The following TRPS1 variants were observed in gnomAD, a reference collection of about 807,000 sequenced individuals.
TRPS1 encodes zinc finger transcription factor Trps1.
Under a neutral mutation model 101.2 loss-of-function variants are expected in TRPS1, and 6 were observed. That is an observed-to-expected ratio of 0.06 (90% CI 0.03 to 0.12). The LOEUF (loss-of-function observed/expected upper bound fraction) is 0.12. Ranked by LOEUF, TRPS1 falls within the 10% of genes least tolerant of loss-of-function variation. The pLI is 1.00. For missense variants in TRPS1, 1,363 were observed against 1,567.0 expected (o/e 0.87, Z 2.20); for synonymous variants, 578 against 589.8 (o/e 0.98, Z 0.29).
chr8:115,484,595 A>C (rs931260589), intron 5 of TRPS1, among the ~76,000 whole-genome samples: 22 of 152,136 alleles, frequency 1.4e-4, no homozygotes, highest in African/African-American at 5.1e-4. Flanking sequence ...TGTTATTATA[A>C]AAGTATTCTT....
chr8:115,486,216 T>C (rs965831421), intron 5 of TRPS1, among the ~76,000 whole-genome samples: 6 of 152,298 alleles, frequency 3.9e-5, no homozygotes, highest in Non-Finnish European at 7.4e-5. Context: ...TGATCTGTGA[T>C]CTTTGATGTT....
At chr8:115,532,780 G>A (rs1253605755) in intron 5 of TRPS1, among the ~76,000 whole-genome samples, 2 of 152,174 alleles carry the variant, frequency 1.3e-5, no homozygotes, top group African/African-American at 2.4e-5. Context: ...AACCATGAGA[G>A]AGGAATATCA....
intron 5 of TRPS1, among the ~76,000 whole-genome samples, chr8:115,499,293 A>T (rs1815242748): frequency 6.6e-6 from 1 of 152,232 alleles, no homozygotes. Flanking sequence ...CATTAATGAT[A>T]TATGCACATT....
chr8:115,527,870 AGTGTCAGAATCTGAGTAAG>A (rs1816037462), intron 5 of TRPS1, among the ~76,000 whole-genome samples: 1 of 152,106 alleles, frequency 6.6e-6, no homozygotes, highest in South Asian at 2.1e-4. Context: ...CTATTCTCAA[AGTGTCAGAATCTGAGTAAG>A]GTACCCCAAA....
rs538343033 is a variant in TRPS1 at position 115,578,276 on chromosome 8, A to AT, written c.2700+8724dup. The stretch of plus-strand genomic sequence containing the variant: ...TATTTCTAGGATATTTTTCCCACGC[A>AT]TTTTTTATAAGCCAAATTATTTTAT... On this transcript the variant is annotated intron_variant, in intron 5 of 6. Coordinates refer to ENST00000395715, the MANE Select transcript of TRPS1 (RefSeq NM_014112.5). Among the ~76,000 whole-genome samples the AT allele has an allele frequency of 1.1e-4, 17 of 152,186 alleles. No homozygotes were observed. In the East Asian group the frequency reaches 3.3e-3, roughly 29 times the overall value.
At chr8:115,458,598 C>T (rs1027341272) in intron 5 of TRPS1, among the ~76,000 whole-genome samples, 1 of 152,142 alleles carries the variant, frequency 6.6e-6, no homozygotes. Context: ...TAACAATCCC[C>T]TTTTAAGAAA....
chr8:115,480,438 T>C (rs1210817491), intron 5 of TRPS1, among the ~76,000 whole-genome samples: 3 of 152,126 alleles, frequency 2.0e-5, no homozygotes, highest in Admixed American at 6.5e-5. Flanking sequence ...TTGTAATTTA[T>C]GCTATGAAAT....
In TRPS1 at chr8:115,668,872, G is replaced by A. The variant is rs1812004572; in HGVS notation, c.-449C>T. The A allele has an allele frequency of 6.6e-6, 1 of 151,240 alleles. No individual in the cohort carries two copies. The highest frequency in any genetic ancestry group is 1.5e-5 in the Non-Finnish European group (1 of 67,836). The allele number at this position is 151,240 out of a possible 1,614,324, so 9.4% of individuals were successfully genotyped here. A position where few individuals can be genotyped will look rare whatever the true frequency, so the allele number is the denominator to read the frequency against. On this transcript the variant is annotated 5_prime_UTR_variant, in exon 1 of 7. Transcript: ENST00000395715. ...AGCAATCGAGAGGACGCGAGGTCTG[G>A]AGAAACCAGCAGCACCAAAAAAGAG... is the stretch of plus-strand genomic sequence containing the variant.
At chr8:115,589,085 C>G (rs895381313) in intron 4 of TRPS1, among the ~76,000 whole-genome samples, 1 of 152,086 alleles carries the variant, frequency 6.6e-6, no homozygotes, top group African/African-American at 2.4e-5. Flanking sequence ...AAGAAGCTAT[C>G]CTTGGAGGAT....
intron 5 of TRPS1, among the ~76,000 whole-genome samples, chr8:115,579,733 T>C (rs1338431564): frequency 6.6e-6 from 1 of 152,080 alleles, no homozygotes; most frequent in Non-Finnish European, 1.5e-5. Context: ...TAAATTTCCA[T>C]GGTAGAAAAT....
chr8:115,627,360 G>A (rs1313116231), intron 1 of TRPS1, among the ~76,000 whole-genome samples: 1 of 151,630 alleles, frequency 6.6e-6, no homozygotes, highest in Non-Finnish European at 1.5e-5. Flanking sequence ...TATCTGCAAT[G>A]ACAACTGTTG....
At chr8:115,598,034 T>C (rs1817826612) in intron 4 of TRPS1, among the ~76,000 whole-genome samples, 1 of 152,192 alleles carries the variant, frequency 6.6e-6, no homozygotes, top group Non-Finnish European at 1.5e-5. Context: ...ACTTTTGATA[T>C]CTACAATTTT....
chr8:115,416,592 T>TA (rs1414054595), intron 6 of TRPS1, among the ~76,000 whole-genome samples: 1 of 149,348 alleles, frequency 6.7e-6, no homozygotes, highest in Non-Finnish European at 1.5e-5. Context: ...AATATAAATT[T>TA]AAAAAAACAT....
At chr8:115,505,818 A>G (rs1278186522) in intron 5 of TRPS1, among the ~76,000 whole-genome samples, 2 of 152,102 alleles carry the variant, frequency 1.3e-5, no homozygotes, top group African/African-American at 4.8e-5. Context: ...AAAACGTAGG[A>G]CATATAGATT....
In TRPS1 at chr8:115,637,273, T is replaced by C. The variant is rs375585571; in HGVS notation, c.-121-13515A>G. On this transcript the variant is annotated intron_variant, in intron 1 of 6. Coordinates refer to ENST00000395715, the MANE Select transcript of TRPS1 (RefSeq NM_014112.5). Reference sequence around the variant, plus strand: ...TGCCAAGGTTAATAAGACAGAATCTTGAATCCCAGTTGATGAGGCTGGACC... The same window carrying C: ...TGCCAAGGTTAATAAGACAGAATCTCGAATCCCAGTTGATGAGGCTGGACC... The C allele has an allele frequency of 6.2e-5, 61 of 985,380 alleles. No homozygotes were observed. The South Asian group carries it at 2.4e-3, about 39-fold the overall frequency. The allele number at this position is 985,380 out of a possible 1,614,324, so 61.0% of individuals were successfully genotyped here. A position where few individuals can be genotyped will look rare whatever the true frequency, so the allele number is the denominator to read the frequency against.
At chr8:115,472,951 A>C (rs1393547635) in intron 5 of TRPS1, among the ~76,000 whole-genome samples, 1 of 152,174 alleles carries the variant, frequency 6.6e-6, no homozygotes, top group Non-Finnish European at 1.5e-5. Flanking sequence ...CCATATCACT[A>C]TCAGCATGTT....
intron 5 of TRPS1, among the ~76,000 whole-genome samples, chr8:115,560,754 C>A (rs187531887): frequency 4.7e-4 from 71 of 152,212 alleles, no homozygotes; most frequent in African/African-American, 1.7e-3. Flanking sequence ...ACCTGGCAGA[C>A]ACCATGGTAG....
chr8:115,640,160 C>T (rs912610426), intron 1 of TRPS1, among the ~76,000 whole-genome samples: 7 of 151,856 alleles, frequency 4.6e-5, no homozygotes, highest in African/African-American at 1.7e-4. Context: ...CAAAAATTTC[C>T]AAGAAAAAAA....
intron 5 of TRPS1, among the ~76,000 whole-genome samples, chr8:115,457,625 TCAC>T (rs1814062636): frequency 6.6e-6 from 1 of 152,176 alleles, no homozygotes; most frequent in Admixed American, 6.5e-5. Flanking sequence ...GATGTGTATT[TCAC>T]CACAATAAAA....
Sources: allele counts gnomAD v4.1 joint callset (sites outside exome capture counted in the v4.1 genomes callset), GRCh38; gene constraint gnomAD v4.1.1; transcripts MANE v1.5; gene names NCBI Gene and HGNC (gene_info 2026-07-23, HGNC 2026-07-21).